The following SYN2 variants were observed in gnomAD, a reference collection of about 807,000 sequenced individuals.
SYN2 encodes synapsin II.
A neutral mutation model predicts 50.9 loss-of-function variants in SYN2; 19 were observed. The ratio of observed to expected loss-of-function variants is 0.37; its 90% CI spans 0.26 to 0.55. SYN2 has a LOEUF of 0.55. Among genes scored for constraint, SYN2 ranks in the 20% least tolerant of loss-of-function variants. The pLI, the probability that SYN2 is intolerant of heterozygous loss-of-function variation, is 0.81. For missense variants in SYN2, 587 were observed against 576.4 expected, an observed-to-expected ratio of 1.02 and a Z score of -0.19; for synonymous variants, 255 against 224.9, an observed-to-expected ratio of 1.13 and a Z score of -1.20.
intron 1 of SYN2, among the ~76,000 whole-genome samples, chr3:12,129,086 A>G (rs1253028482): frequency 6.6e-6 from 1 of 152,224 alleles, no homozygotes; most frequent in Non-Finnish European, 1.5e-5. Flanking sequence ...CAAAATAGAA[A>G]TAAGAATAAA....
At chr3:12,167,059 G>A (rs1697817367) in intron 7 of SYN2, among the ~76,000 whole-genome samples, 175 bp from the exon 8 acceptor site, 1 of 152,206 alleles carries the variant, frequency 6.6e-6, no homozygotes, top group Non-Finnish European at 1.5e-5. Flanking sequence ...GGGCATTGCA[G>A]GTGGGGATTT....
chr3:12,078,527 G>C (rs1333877580), intron 1 of SYN2, among the ~76,000 whole-genome samples: 3 of 152,128 alleles, frequency 2.0e-5, no homozygotes, highest in Non-Finnish European at 4.4e-5. Context: ...CATATGGCTA[G>C]CTAGTTCTTC....
chr3:12,151,729 G>T (rs1574969809), intron 5 of SYN2, among the ~76,000 whole-genome samples: 1 of 152,320 alleles, frequency 6.6e-6, no homozygotes, highest in East Asian at 1.9e-4. Flanking sequence ...ATATGGTACA[G>T]ACACAATTTA....
intron 5 of SYN2, among the ~76,000 whole-genome samples, chr3:12,156,562 C>T (rs1464320423): frequency 6.6e-6 from 1 of 152,224 alleles, no homozygotes; most frequent in Non-Finnish European, 1.5e-5. Context: ...AGCTGCCCTA[C>T]ACTGGGTGAG....
chr3:12,097,302 A>T (rs1280923069), intron 1 of SYN2, among the ~76,000 whole-genome samples: 1 of 152,196 alleles, frequency 6.6e-6, no homozygotes, highest in East Asian at 1.9e-4. Flanking sequence ...GATAGACTGG[A>T]TTAAGAAAAT....
At chr3:12,008,688 A>G (rs995639759) in intron 1 of SYN2, among the ~76,000 whole-genome samples, 10 of 152,228 alleles carry the variant, frequency 6.6e-5, no homozygotes, top group African/African-American at 2.4e-4. Flanking sequence ...CTTTGTACCA[A>G]TCTCATTTAC....
chr3:12,115,844 GCT>G (rs1188365016), intron 1 of SYN2, among the ~76,000 whole-genome samples: 1 of 152,104 alleles, frequency 6.6e-6, no homozygotes, highest in East Asian at 1.9e-4. Context: ...TGAATTGTTG[GCT>G]TCCTCACAGC....
chr3:12,178,311 G>A (rs1698137042), intron 10 of SYN2, among the ~76,000 whole-genome samples: 1 of 152,124 alleles, frequency 6.6e-6, no homozygotes, highest in South Asian at 2.1e-4. Flanking sequence ...CTGGTCTCAG[G>A]CCAACAGCTC....
chr3:12,177,391 T>C (rs970168265), intron 10 of SYN2, among the ~76,000 whole-genome samples: 1 of 152,216 alleles, frequency 6.6e-6, no homozygotes, highest in Non-Finnish European at 1.5e-5. Context: ...TCTCCCAGTG[T>C]GGCCCATGAA....
At chr3:12,106,396 CATTAT>C (rs1240396170) in intron 1 of SYN2, among the ~76,000 whole-genome samples, 1 of 152,044 alleles carries the variant, frequency 6.6e-6, no homozygotes, top group Non-Finnish European at 1.5e-5. Flanking sequence ...GAATAAAATC[CATTAT>C]ATTCAACAAT....
At chr3:12,068,696 G>C (rs1177068275) in intron 1 of SYN2, among the ~76,000 whole-genome samples, 2 of 150,170 alleles carry the variant, frequency 1.3e-5, no homozygotes, top group African/African-American at 4.9e-5. Flanking sequence ...TTTTTTTTCT[G>C]TATTTTTAGG....
rs186935637 is a variant in SYN2 at position 12,182,659 on chromosome 3, C to G, written c.1309-653C>G. The stretch of plus-strand genomic sequence containing the variant: ...GGGTTCTGAGAAACAAATGACGACC[C>G]CTTTCTTTAAGTCCCTCCCTTTGGG... On this transcript the variant is annotated intron_variant, in intron 10 of 12. Transcript: ENST00000621198. Among the ~76,000 whole-genome samples, 59 of 152,354 alleles carry G rather than the reference C, an allele frequency of 3.9e-4. 1 individual carries two copies. The highest frequency in any genetic ancestry group is 3.6e-3 in the Admixed American group (55 of 15,314).
At position 12,145,960 on chromosome 3, in the gene SYN2, C is replaced by T; in HGVS notation, c.684+125C>T. 7 of 1,350,784 alleles carry T rather than the reference C, an allele frequency of 5.2e-6. No individual in the cohort carries two copies. The South Asian group carries it at 8.4e-5, about 16-fold the overall frequency. 83.7% of individuals were successfully genotyped at this position (1,350,784 alleles called of 1,614,324 possible). A position where few individuals can be genotyped will look rare whatever the true frequency, so the allele number is the denominator to read the frequency against. ...AGGAGGGTCCCTACATCTTCCAGGC[C>T]CCTAGGAGGGTCCTCAAGATGCAGT... On this transcript the variant is annotated intron_variant, in intron 4 of 12. Coordinates refer to ENST00000621198, the MANE Select transcript of SYN2 (RefSeq NM_133625.6).
chr3:12,041,102 T>C (rs1261663461), intron 1 of SYN2, among the ~76,000 whole-genome samples: 4 of 152,166 alleles, frequency 2.6e-5, no homozygotes, highest in Non-Finnish European at 5.9e-5. Context: ...GAGGATTTCA[T>C]TGCTTGACAG....
chr3:12,135,474 G>A (rs1386250210), intron 1 of SYN2, among the ~76,000 whole-genome samples: 2 of 152,188 alleles, frequency 1.3e-5, no homozygotes, highest in African/African-American at 4.8e-5. Context: ...TGTTTACAGA[G>A]CTCTGGGAAG....
At chr3:12,151,035 T>C (rs1697272926) in intron 4 of SYN2, among the ~76,000 whole-genome samples, 1 of 152,188 alleles carries the variant, frequency 6.6e-6, no homozygotes, top group Non-Finnish European at 1.5e-5. Flanking sequence ...GTAATTGAAT[T>C]TTAGCTCACT....
Position 12,157,293 on chromosome 3 carries a change from G to A in SYN2, c.775-4253G>A. ...TCTAGACCCAAGGATTACTGAGCCA[G>A]GCCACCTGAAAGCTACCAGCCCTCC... On this transcript the variant is annotated intron_variant, in intron 5 of 12. Coordinates refer to ENST00000621198, the MANE Select transcript of SYN2 (RefSeq NM_133625.6). 4 of 1,211,096 alleles carry A rather than the reference G, an allele frequency of 3.3e-6. No homozygotes were observed. In the Admixed American group the frequency reaches 7.8e-5, roughly 23 times the overall value. The allele number at this position is 1,211,096 out of a possible 1,614,324, so 75.0% of individuals were successfully genotyped here. A position where few individuals can be genotyped will look rare whatever the true frequency, so the allele number is the denominator to read the frequency against.
intron 1 of SYN2, among the ~76,000 whole-genome samples, chr3:12,125,978 T>C (rs527890269): frequency 6.6e-6 from 1 of 152,292 alleles, no homozygotes; most frequent in Non-Finnish European, 1.5e-5. Flanking sequence ...TTAAGTTTCC[T>C]ACACATGAAT....
chr3:12,005,173 C>T (rs1209203455), intron 1 of SYN2, among the ~76,000 whole-genome samples: 3 of 152,096 alleles, frequency 2.0e-5, no homozygotes, highest in African/African-American at 7.2e-5. Context: ...TCCCCCAGGT[C>T]CCATACAAGA....
Sources: allele counts gnomAD v4.1 joint callset (sites outside exome capture counted in the v4.1 genomes callset), GRCh38; gene constraint gnomAD v4.1.1; transcripts MANE v1.5; gene names NCBI Gene and HGNC (gene_info 2026-07-23, HGNC 2026-07-21).